The following ANO7 variants were observed in gnomAD, a reference collection of about 807,000 sequenced individuals.
ANO7 encodes the protein anoctamin-7.
Under a neutral mutation model 115.8 loss-of-function variants are expected in ANO7, and 114 were observed. The observed-to-expected ratio is 0.98, with a 90% CI of 0.85 to 1.15. The LOEUF (loss-of-function observed/expected upper bound fraction) is 1.15. Among genes scored for constraint, ANO7 ranks in the 50% most tolerant of loss-of-function variants. ANO7 has a pLI of 0.00. For missense variants in ANO7, 1,302 were observed against 1,201.2 expected (o/e 1.08, Z -1.24); for synonymous variants, 550 against 498.2 (o/e 1.10, Z -1.38).
intron 10 of ANO7, 121 bp from the exon 11 acceptor site, chr2:241,207,453 G>GCAAAGGCA: frequency 2.9e-6 from 2 of 699,198 alleles, no homozygotes; most frequent in South Asian, 3.4e-5. Flanking sequence ...GCTGGGCCTG[G>GCAAAGGCA]CAAAGGCAGT....
intron 4 of ANO7, chr2:241,199,003 C>A: frequency 2.6e-6 from 1 of 380,710 alleles, no homozygotes; most frequent in Non-Finnish European, 5.0e-6. Flanking sequence ...CGTGTGTCAG[C>A]ATAGTCTGGC....
rs570599792 is a variant in ANO7 at position 241,190,350 on chromosome 2, G to A, written c.108+179G>A. On this transcript the variant is annotated intron_variant, in intron 2 of 24. Coordinates refer to ENST00000674324, the MANE Select transcript of ANO7 (RefSeq NM_001370694.2). Reference sequence around the variant, plus strand: ...CCTCAACACACACAGTCAGATCACCGCTCTCCTGGCCTGGCCTGGCTGTGG... The same window carrying A: ...CCTCAACACACACAGTCAGATCACCACTCTCCTGGCCTGGCCTGGCTGTGG... Among the ~76,000 whole-genome samples, 51 of 152,250 alleles carry A rather than the reference G, an allele frequency of 3.3e-4. No homozygotes were observed. The East Asian group carries it at 6.6e-3, about 20-fold the overall frequency.
intron 16 of ANO7, 132 bp from the exon 17 acceptor site, chr2:241,212,440 C>G (rs966549680): frequency 7.4e-6 from 8 of 1,079,808 alleles, no homozygotes; most frequent in Non-Finnish European, 9.8e-6. Flanking sequence ...AGCTCACAAC[C>G]GGGACTCTAC....
chr2:241,207,923 A>C (rs2068629366), intron 11 of ANO7, among the ~76,000 whole-genome samples: 1 of 152,004 alleles, frequency 6.6e-6, no homozygotes, highest in Non-Finnish European at 1.5e-5. Context: ...CCACACCAGG[A>C]CTCTAGCTCT....
At chr2:241,236,229 C>T in the ANO7 span, 9 of 262,236 alleles carry the variant, frequency 3.4e-5, no homozygotes, top group East Asian at 1.8e-4. Flanking sequence ...AGGTGGCACT[C>T]GACACTGACT....
At chr2:241,195,084 G>A (rs1475611483) in intron 3 of ANO7, among the ~76,000 whole-genome samples, 1 of 152,186 alleles carries the variant, frequency 6.6e-6, no homozygotes, top group East Asian at 1.9e-4. Context: ...CAGACCCGGT[G>A]GCTCCGTCTT....
intron 11 of ANO7, among the ~76,000 whole-genome samples, 164 bp from the exon 12 acceptor site, chr2:241,209,121 C>T (rs949926026): frequency 3.3e-5 from 5 of 152,186 alleles, no homozygotes; most frequent in African/African-American, 1.2e-4. Flanking sequence ...TGCACTCCAG[C>T]CTGGGTGACA....
intron 20 of ANO7, 34 bp downstream of exon 20, chr2:241,217,925 GGGCGCGCAGGGGCGGGGGCGGGGGGGGCA>G (rs2068878850): frequency 1.3e-6 from 1 of 782,606 alleles, no homozygotes; most frequent in African/African-American, 3.3e-5. Context: ...GGCGGGGCGG[GGGCGCGCAGGGGCGGGGGCGGGGGGGGCA>G]GCGGGGGCGC....
In ANO7 at chr2:241,204,910, T is replaced by G. The variant is rs772337167; in HGVS notation, c.935T>G (p.Leu312Arg). The G allele has an allele frequency of 1.3e-5, 21 of 1,613,918 alleles. No homozygotes were observed. Among genetic ancestry groups the G allele is most frequent in the Non-Finnish European group, 1.8e-5 (21 of 1,179,988 alleles). ...CTGCCAGCGGCAGTGGTGGGCACAC[T>G]GGTGTTCCTGGTGGGCTGCTTCCTG... ...WLLPAAVVGT[L>R]VFLVGCFLVF... Residue 312 changes from leucine to arginine, a missense_variant, in exon 10 of 25, where the codon CTG becomes CGG. By Grantham distance (102) the Leu-to-Arg change is moderately radical. Coordinates refer to ENST00000674324, the MANE Select transcript of ANO7 (RefSeq NM_001370694.2).
intron 21 of ANO7, among the ~76,000 whole-genome samples, chr2:241,219,305 G>A (rs952068955): frequency 6.6e-6 from 1 of 151,990 alleles, no homozygotes. Context: ...TTTTCATATC[G>A]GTCTCTCTCA....
At chr2:241,236,806 C>G in the ANO7 span, 31 of 1,604,546 alleles carry the variant, frequency 1.9e-5, 1 homozygote, top group South Asian at 3.4e-4. Context: ...CTGACAGCTG[C>G]TGGAAGAGAC....
chr2:241,203,219 T>A lies in ANO7; in HGVS notation c.724-114T>A. 4.3e-5 allele frequency: 29 copies of A among 668,678 alleles called. No individual in the cohort carries two copies. The highest frequency in any genetic ancestry group is 5.7e-5 in the Non-Finnish European group (25 of 435,756). 41.4% of individuals were successfully genotyped at this position (668,678 alleles called of 1,614,324 possible). ...ACTCTATTTTTTCTTCATGGAGCAATCCCAGACTCCCAGGCCTGTCTGCCC... is the reference window on the plus strand; with the variant it reads ...ACTCTATTTTTTCTTCATGGAGCAAACCCAGACTCCCAGGCCTGTCTGCCC... On this transcript the variant is annotated intron_variant, in intron 8 of 24. Coordinates refer to ENST00000674324, the MANE Select transcript of ANO7 (RefSeq NM_001370694.2). The surrounding 1 kb of genome is among the most constrained non-coding windows in gnomAD (Gnocchi z 4.8).
chr2:241,231,182 C>G, the ANO7 span: 2 of 443,800 alleles, frequency 4.5e-6, no homozygotes, highest in Non-Finnish European at 8.2e-6. Flanking sequence ...GTCCGGAATT[C>G]GTGACCAGCC....
intron 17 of ANO7, among the ~76,000 whole-genome samples, chr2:241,213,178 CCG>C (rs1559452389): frequency 7.7e-6 from 1 of 129,998 alleles, no homozygotes; most frequent in African/African-American, 4.4e-5. Flanking sequence ...GCACACAGGC[CCG>C]CAGGGGCTGG....
intron 21 of ANO7, among the ~76,000 whole-genome samples, chr2:241,218,908 C>T (rs1030864430): frequency 6.6e-6 from 1 of 152,232 alleles, no homozygotes; most frequent in Non-Finnish European, 1.5e-5. Context: ...CTGGAATTCA[C>T]ACATAACACC....
chr2:241,220,560 A>G (rs73114178), intron 21 of ANO7, among the ~76,000 whole-genome samples: 31,598 of 152,022 alleles, frequency 0.21, 3,468 homozygotes, highest in Middle Eastern at 0.32. Context: ...GGCTGCACAC[A>G]GTGGCTCATG....
intron 24 of ANO7, 45 bp from the exon 25 acceptor site, chr2:241,224,052 C>T (rs779694698): frequency 1.2e-5 from 20 of 1,613,258 alleles, no homozygotes; most frequent in Admixed American, 3.3e-5. Context: ...ATGGCCTGCT[C>T]CTGGCCCTAG....
intron 2 of ANO7, 65 bp downstream of exon 2, chr2:241,190,236 C>G (rs2068163957): frequency 1.4e-6 from 2 of 1,382,436 alleles, no homozygotes; most frequent in Admixed American, 4.7e-5. Flanking sequence ...TCTATGCCCC[C>G]ACCCTGGGCC....
At position 241,210,546 on chromosome 2, in the gene ANO7, CT is replaced by C. The variant is rs779279526; in HGVS notation, c.1538del (p.Leu513ArgfsTer5). 11 of 1,613,920 alleles carry C rather than the reference CT, an allele frequency of 6.8e-6. No homozygotes were observed. The South Asian group carries it at 1.2e-4, about 18-fold the overall frequency. ...CATCCTCTCCAAGATCTATGTATCC[CT>C]GGCCCACGTCCTGACACGATGGGGT... ...ILILSKIYVSLAHVLTRWEMH... is the reference protein window; with the variant it reads ...ILILSKIYVSXAHVLTRWEMH... On this transcript the variant is annotated frameshift_variant, in exon 15 of 25. Transcript: ENST00000674324. LOFTEE classifies it high-confidence loss of function.
Sources: gnomAD v4.1 joint callset for allele counts (sites outside exome capture counted in the v4.1 genomes callset) on GRCh38, gnomAD v4.1.1 for gene constraint, Gnocchi (gnomAD v3.1) non-coding constraint, MANE v1.5 for transcripts, NCBI Gene and HGNC (gene_info 2026-07-23, HGNC 2026-07-21) for gene names.